Variants in WDR25 observed in about 807,000 individuals in gnomAD.
WDR25 encodes the protein WD repeat-containing protein 25.
WDR25 carries 35 observed loss-of-function variants against 47.7 expected under a neutral mutation model. The observed-to-expected ratio is 0.73, with a 90% CI of 0.56 to 0.97. The LOEUF (loss-of-function observed/expected upper bound fraction) is 0.97, where lower values mean the gene tolerates loss of function less well. Among genes scored for constraint, WDR25 ranks in the 50% least tolerant of loss-of-function variants. WDR25 has a pLI of 0.00. For missense variants in WDR25, 634 were observed against 704.7 expected (o/e 0.90, Z 1.14); for synonymous variants, 248 against 278.9 (o/e 0.89, Z 1.10).
At chr14:100,503,216 A>T (rs1289740243) in intron 4 of WDR25, among the ~76,000 whole-genome samples, 1 of 150,860 alleles carries the variant, frequency 6.6e-6, no homozygotes, top group East Asian at 2.0e-4. Context: ...GATAAGGGAG[A>T]CCTCCCCAGT....
chr14:100,459,023 TA>T (rs1303944989), intron 2 of WDR25, among the ~76,000 whole-genome samples: 1 of 151,872 alleles, frequency 6.6e-6, no homozygotes, highest in Non-Finnish European at 1.5e-5. Context: ...AATAAGCCAA[TA>T]AAAATAAGAG....
At chr14:100,416,228 T>G (rs961718456) in intron 2 of WDR25, among the ~76,000 whole-genome samples, 2 of 152,252 alleles carry the variant, frequency 1.3e-5, no homozygotes, top group African/African-American at 4.8e-5. Context: ...TTTTCATGGT[T>G]GTTTTAAGAG....
At position 100,500,097 on chromosome 14, in the gene WDR25, C is replaced by G. The variant is rs2140346104; in HGVS notation, c.1101+15973C>G. Among the ~76,000 whole-genome samples, 1 of 152,250 alleles carries G rather than the reference C, an allele frequency of 6.6e-6. No homozygotes were observed. The highest frequency in any genetic ancestry group is 1.9e-4 in the East Asian group (1 of 5,174). ...GTCTTCCTAGAGGTGCCACAACCCT[C>G]CTCCCCTACTTCTCTCTTACCTGCT... On this transcript the variant is annotated intron_variant, in intron 4 of 6. Transcript: ENST00000402312. The surrounding 1 kb of genome is among the most constrained non-coding windows in gnomAD (Gnocchi z 4.7).
chr14:100,455,777 T>C (rs561326484), intron 2 of WDR25, among the ~76,000 whole-genome samples: 13 of 152,332 alleles, frequency 8.5e-5, no homozygotes, highest in African/African-American at 3.1e-4. Flanking sequence ...AAAAATGGTA[T>C]CTTTAAAGTT....
intron 2 of WDR25, among the ~76,000 whole-genome samples, chr14:100,402,442 G>A (rs781285440): frequency 1.3e-5 from 2 of 152,052 alleles, no homozygotes; most frequent in Non-Finnish European, 2.9e-5. Flanking sequence ...GGAGTGACTC[G>A]TTCTTTTGCA....
At chr14:100,481,103 CAAAAAAAAAAAAAA>C (rs71113268) in intron 3 of WDR25, 11 of 248,188 alleles carry the variant, frequency 4.4e-5, no homozygotes, top group Non-Finnish European at 6.3e-5. Context: ...CAAAAAAGTG[CAAAAAAAAAAAAAA>C]AAAAAAAAAA....
intron 3 of WDR25, among the ~76,000 whole-genome samples, chr14:100,475,628 G>C (rs929444537): frequency 3.9e-5 from 6 of 152,148 alleles, no homozygotes; most frequent in Non-Finnish European, 5.9e-5. Flanking sequence ...GGGTTTGGGG[G>C]TAGGGGTGGA....
chr14:100,385,208 G>T (rs1295175956), intron 2 of WDR25, among the ~76,000 whole-genome samples: 1 of 152,288 alleles, frequency 6.6e-6, no homozygotes, highest in African/African-American at 2.4e-5. Flanking sequence ...CCAGCATCTG[G>T]CACAAAATTG....
chr14:100,520,964 G>A (rs1391299040), intron 4 of WDR25, among the ~76,000 whole-genome samples: 2 of 152,126 alleles, frequency 1.3e-5, no homozygotes, highest in African/African-American at 4.8e-5. Context: ...GGTTAATTTT[G>A]TTTGCCTAAT....
At chr14:100,418,775 G>A (rs1293173834) in intron 2 of WDR25, among the ~76,000 whole-genome samples, 1 of 151,772 alleles carries the variant, frequency 6.6e-6, no homozygotes, top group African/African-American at 2.4e-5. Flanking sequence ...GCGGGGGGGG[G>A]TCCTACTCAC....
chr14:100,514,022 G>A (rs1901404414), intron 4 of WDR25, among the ~76,000 whole-genome samples: 3 of 150,226 alleles, frequency 2.0e-5, no homozygotes, highest in African/African-American at 2.5e-5. Flanking sequence ...TGCAAGCTCC[G>A]CCTCCCGGGT....
At chr14:100,450,939 C>T (rs1226015426) in intron 2 of WDR25, among the ~76,000 whole-genome samples, 2 of 152,278 alleles carry the variant, frequency 1.3e-5, no homozygotes, top group East Asian at 1.9e-4. Flanking sequence ...CACCTAACAA[C>T]GTCAAAGCAG....
rs536962614 is a variant in WDR25 at position 100,454,321 on chromosome 14, G to A, written c.823-13700G>A. 47 of 1,249,410 alleles carry A rather than the reference G, an allele frequency of 3.8e-5. No homozygotes were observed. In the Admixed American group the frequency reaches 1.1e-3, roughly 29 times the overall value. 77.4% of individuals were successfully genotyped at this position (1,249,410 alleles called of 1,614,324 possible). A position where few individuals can be genotyped will look rare whatever the true frequency, so the allele number is the denominator to read the frequency against. ...CTACCAGAAGGCTGGGTGTGGAGAA[G>A]ATTTTGACTGAGGTAATGGGGTAAT... On this transcript the variant is annotated intron_variant, in intron 2 of 6. Transcript: ENST00000402312.
chr14:100,380,151 G>C (rs1054891372), intron 1 of WDR25, among the ~76,000 whole-genome samples: 1 of 151,634 alleles, frequency 6.6e-6, no homozygotes, highest in African/African-American at 2.4e-5. Flanking sequence ...GGGTTCAAGA[G>C]ATTCTCCTGC....
chr14:100,511,978 T>A (rs1454092045), intron 4 of WDR25, among the ~76,000 whole-genome samples: 3 of 152,178 alleles, frequency 2.0e-5, no homozygotes, highest in Non-Finnish European at 2.9e-5. Flanking sequence ...TATTATTCCC[T>A]TTGTATAATT....
At position 100,468,226 on chromosome 14, in the gene WDR25, T is replaced by G; in HGVS notation, c.970+58T>G. The G allele has an allele frequency of 6.4e-7, 1 of 1,573,028 alleles. No homozygotes were observed. The highest frequency in any genetic ancestry group is 1.2e-5 in the South Asian group (1 of 86,122). ...CTGGCAGCTCTCTCCCTGGGGAAGG[T>G]TCTCTGGTGGGCACGCAGCCACAAG... On this transcript the variant is annotated intron_variant, in intron 3 of 6. Coordinates refer to ENST00000402312, the MANE Select transcript of WDR25 (RefSeq NM_001161476.3). This position sits in a 1 kb window ranked among gnomAD's most constrained non-coding sequence, Gnocchi z 4.5.
intron 2 of WDR25, among the ~76,000 whole-genome samples, chr14:100,422,270 A>C (rs1169336063): frequency 6.6e-6 from 1 of 152,102 alleles, no homozygotes; most frequent in East Asian, 1.9e-4. Flanking sequence ...TTGCTGGAGT[A>C]TTACATGTGG....
At position 100,437,950 on chromosome 14, in the gene WDR25, C is replaced by T. The variant is rs576366830; in HGVS notation, c.823-30071C>T. 7.9e-5 allele frequency among the ~76,000 whole-genome samples: 12 copies of T among 152,212 alleles called. 1 individual carries two copies. Among genetic ancestry groups the T allele is most frequent in the Admixed American group, 5.2e-4 (8 of 15,280 alleles). On this transcript the variant is annotated intron_variant, in intron 2 of 6. Transcript: ENST00000402312. ...TTTTCTCCTGACACACCATTGTTTT[C>T]GCAAAAGAAAGAAGTAGTTGGAGTC...
chr14:100,403,548 G>C (rs2140175518), intron 2 of WDR25, among the ~76,000 whole-genome samples: 1 of 152,326 alleles, frequency 6.6e-6, no homozygotes, highest in African/African-American at 2.4e-5. Flanking sequence ...TAGCCCGCAG[G>C]GCTGTTGTGT....
Sources: gnomAD v4.1 joint callset for allele counts (sites outside exome capture counted in the v4.1 genomes callset) on GRCh38, gnomAD v4.1.1 for gene constraint, Gnocchi (gnomAD v3.1) non-coding constraint, MANE v1.5 for transcripts, NCBI Gene and HGNC (gene_info 2026-07-23, HGNC 2026-07-21) for gene names.